KHSRP: variants seen among roughly 807,000 people sequenced by gnomAD.
KHSRP encodes far upstream element-binding protein 2.
Under a neutral mutation model 94.9 loss-of-function variants are expected in KHSRP, and 13 were observed. The observed-to-expected ratio is 0.14, with a 90% CI of 0.09 to 0.22. KHSRP has a LOEUF of 0.22. Ranked by LOEUF, KHSRP falls within the 10% of genes least tolerant of loss-of-function variation. The probability of loss-of-function intolerance (pLI) is 1.00; values close to 1 mark genes in which losing one functional copy is unlikely to be tolerated. For missense variants in KHSRP, 710 were observed against 1,010.0 expected (o/e 0.70, Z 4.03); for synonymous variants, 495 against 401.4 (o/e 1.23, Z -2.79).
At chr19:6,415,774 G>C in intron 16 of KHSRP, 34 bp downstream of exon 16, 1 of 1,553,222 alleles carries the variant, frequency 6.4e-7, no homozygotes, top group Non-Finnish European at 8.7e-7. Flanking sequence ...GGACAGAACA[G>C]GGCCTGCCCT....
chr19:6,414,884 GCA>G lies in KHSRP; in HGVS notation c.*138_*139del. On this transcript the variant is annotated 3_prime_UTR_variant, in exon 19 of 19. Coordinates refer to ENST00000600480, the MANE Select transcript of KHSRP (RefSeq NM_001366299.1). ...CGCCTGCGAGTCTCAGCGCTCCCCA[GCA>G]TCACGACAGCGGCACACAGGAACAA... 7.4e-7 allele frequency: 1 copy of G among 1,354,496 alleles called. No individual in the cohort carries two copies. 83.9% of individuals were successfully genotyped at this position (1,354,496 alleles called of 1,614,324 possible).
chr19:6,416,378 T>G lies in KHSRP; in HGVS notation c.1518A>C (p.Pro506=), dbSNP rs551924834. The G allele has an allele frequency of 1.2e-6, 2 of 1,612,886 alleles. No individual in the cohort carries two copies. Among genetic ancestry groups the G allele is most frequent in the Non-Finnish European group, 1.7e-6 (2 of 1,179,540 alleles). Residue 506 remains proline (P), a synonymous_variant, in exon 15 of 19, where the codon CCA becomes CCC. Coordinates refer to ENST00000600480, the MANE Select transcript of KHSRP (RefSeq NM_001366299.1). ...TTGGGCCAGCAGGGCCTGGGCCACC[T>G]GGGCCTGGTCCAACTGGGCAGAGAG... is the stretch of plus-strand genomic sequence containing the variant. The part of the protein sequence containing the change: ...EGPLCPVGPG[P]GGPGPAGPMG...
At chr19:6,420,707 A>G (rs2145122287) in intron 4 of KHSRP, among the ~76,000 whole-genome samples, 1 of 152,376 alleles carries the variant, frequency 6.6e-6, no homozygotes, top group Admixed American at 6.5e-5. Context: ...AGCACTGAGT[A>G]GCAAGCTGAC....
At position 6,414,521 on chromosome 19, in the gene KHSRP, C is replaced by A. The variant is rs939431737; in HGVS notation, c.*503G>T. The A allele has an allele frequency of 2.9e-6, 3 of 1,046,656 alleles. No homozygotes were observed. In the East Asian group the frequency reaches 2.4e-4, roughly 85 times the overall value. 64.8% of individuals were successfully genotyped at this position (1,046,656 alleles called of 1,614,324 possible). On this transcript the variant is annotated 3_prime_UTR_variant, in exon 19 of 19. Transcript: ENST00000600480. ...TTGGAAGGTGGCAACGATCTTCACG[C>A]CCACTTCACAGACAAGCCCGGGACA...
intron 6 of KHSRP, 89 bp downstream of exon 6, chr19:6,419,982 CCA>C: frequency 2.0e-6 from 2 of 1,010,282 alleles, no homozygotes; most frequent in South Asian, 2.8e-5. Flanking sequence ...CGCTTCCTGT[CCA>C]CAGTCCCCGT....
At position 6,415,690 on chromosome 19, in the gene KHSRP, C is replaced by T. The variant is rs1187543099; in HGVS notation, c.1732G>A (p.Ala578Thr). 19 of 1,547,900 alleles carry T rather than the reference C, an allele frequency of 1.2e-5. No individual in the cohort carries two copies. Among genetic ancestry groups the T allele is most frequent in the Middle Eastern group, 1.7e-4 (1 of 5,716 alleles). Residue 578 changes from alanine to threonine, a missense_variant, in exon 17 of 19, where the codon GCC becomes ACC. This residue lies in a region of KHSRP where 292 missense variants were observed against 340.5 expected (regional missense o/e 0.86). Transcript: ENST00000600480. ...AAADPNAAWA[A>T]YYSHYYQQPP... ...TGCTGGTAGTAGTGTGAGTAGTAGG[C>T]GGCCCACGCGGCGTTGGGGTCCGCG...
Position 6,417,039 on chromosome 19 carries a change from T to G in KHSRP, c.1130A>C (p.Asp377Ala). The change falls in exon 12 of 19, where the codon GAC becomes GCC. Residue 377 changes from aspartate to alanine, a missense_variant. Around this residue, in one of 5 missense-constraint regions of KHSRP, gnomAD observed 288 missense variants for 501.1 expected, o/e 0.57. Transcript: ENST00000600480. The part of the protein sequence containing the change: ...EKIAHIMGPP[D>A]RCEHAARIIN... ...GATCCGGGCTGCGTGCTCGCACCTG[T>G]CTGGGGGCCCCATTATATGAGCAAT... The G allele has an allele frequency of 6.2e-7, 1 of 1,613,532 alleles. No homozygotes were observed. The highest frequency in any genetic ancestry group is 8.5e-7 in the Non-Finnish European group (1 of 1,179,834).
Position 6,415,905 on chromosome 19 carries a change from G to C in KHSRP, c.1599-9C>G. On this transcript the variant is annotated splice_polypyrimidine_tract_variant and intron_variant, in intron 15 of 18. Transcript: ENST00000600480. ...GAGGGGGCCCCCCGGCACTGCAGGA[G>C]AGAAGAAAGGGATGCTTGAGCAGTG... The C allele has an allele frequency of 4.0e-6, 6 of 1,485,082 alleles. No individual in the cohort carries two copies. Among genetic ancestry groups the C allele is most frequent in the Non-Finnish European group, 5.4e-6 (6 of 1,113,268 alleles). The allele number at this position is 1,485,082 out of a possible 1,614,324, so 92.0% of individuals were successfully genotyped here. A position where few individuals can be genotyped will look rare whatever the true frequency, so the allele number is the denominator to read the frequency against.
rs964412123 is a variant in KHSRP, at chr19:6,418,931, G to A, written c.606-55C>T. The stretch of plus-strand genomic sequence containing the variant: ...GGTGCCACCGCTGGAGAAAGGTACT[G>A]GTCTGGTGGCCCACCCAGCTCAAAG... On this transcript the variant is annotated intron_variant, in intron 7 of 18. Transcript: ENST00000600480. This position sits in a 1 kb window ranked among gnomAD's most constrained non-coding sequence, Gnocchi z 4.3. The A allele has an allele frequency of 7.4e-6, 11 of 1,481,056 alleles. No individual in the cohort carries two copies. The highest frequency in any genetic ancestry group is 8.9e-6 in the Non-Finnish European group (10 of 1,119,268). 91.7% of individuals were successfully genotyped at this position (1,481,056 alleles called of 1,614,324 possible).
chr19:6,413,450 T>C lies in KHSRP; in HGVS notation c.*1574A>G, dbSNP rs1268978552. On this transcript the variant is annotated 3_prime_UTR_variant, in exon 19 of 19. Transcript: ENST00000600480. ...GTTCTCATTTTGTTTTCAGTTTCAA[T>C]CTCCTCTTGAACAGATGAAAAGACA... 2 of 399,528 alleles carry C rather than the reference T, an allele frequency of 5.0e-6. No homozygotes were observed. Among genetic ancestry groups the C allele is most frequent in the Non-Finnish European group, 9.9e-6 (2 of 202,596 alleles). The allele number at this position is 399,528 out of a possible 1,614,324, so 24.7% of individuals were successfully genotyped here. A position where few individuals can be genotyped will look rare whatever the true frequency, so the allele number is the denominator to read the frequency against.
Position 6,415,367 on chromosome 19 carries a change from G to A in KHSRP, c.1966+13C>T, listed in dbSNP as rs1030534000. 5.6e-6 allele frequency: 9 copies of A among 1,608,572 alleles called. No homozygotes were observed. The highest frequency in any genetic ancestry group is 1.7e-5 in the Admixed American group (1 of 58,994). ...GCTGCCCCTGCCCCTGTCCCCGCAT[G>A]GTGGCCACTCACCTTGCTTCTTGTA... On this transcript the variant is annotated intron_variant, in intron 18 of 18. Transcript: ENST00000600480.
In KHSRP at chr19:6,418,455, C is replaced by T. The variant is rs758098084; in HGVS notation, c.879+28G>A. On this transcript the variant is annotated intron_variant, in intron 9 of 18. Coordinates refer to ENST00000600480, the MANE Select transcript of KHSRP (RefSeq NM_001366299.1). The surrounding 1 kb of genome is among the most constrained non-coding windows in gnomAD (Gnocchi z 4.3). ...CCACCTGCCCGTGCCTCTCCAGAAC[C>T]CCCTCCACCACCCCAGGGCGTGCTC... 4 of 1,580,096 alleles carry T rather than the reference C, an allele frequency of 2.5e-6. No homozygotes were observed. The highest frequency in any genetic ancestry group is 1.3e-5 in the African/African-American group (1 of 74,224).
chr19:6,414,962 C>A lies in KHSRP; in HGVS notation c.*62G>T. On this transcript the variant is annotated 3_prime_UTR_variant, in exon 19 of 19. Transcript: ENST00000600480. Reference sequence around the variant, plus strand: ...GTTTAACCTCTGGACCCAGCGAATGCTTCCCTGGCGGTGCGTGGGGACTCC... The same window carrying A: ...GTTTAACCTCTGGACCCAGCGAATGATTCCCTGGCGGTGCGTGGGGACTCC... 1 of 1,434,744 alleles carries A rather than the reference C, an allele frequency of 7.0e-7. No individual in the cohort carries two copies. The highest frequency in any genetic ancestry group is 9.1e-7 in the Non-Finnish European group (1 of 1,099,942). The allele number at this position is 1,434,744 out of a possible 1,614,324, so 88.9% of individuals were successfully genotyped here.
intron 1 of KHSRP, 81 bp downstream of exon 1, chr19:6,424,372 G>T: frequency 1.4e-6 from 1 of 704,556 alleles, no homozygotes; most frequent in Non-Finnish European, 1.7e-6. Flanking sequence ...GACCCTGCGC[G>T]CGCGCGCGCA....
chr19:6,421,692 G>C lies in KHSRP; in HGVS notation c.347-4C>G, dbSNP rs767182619. ...AGCTTCTTGCTCTCCGGTTGATCTGGGAAAGAGAGAGGATGGCAGATGCAG... is the reference window on the plus strand; with the variant it reads ...AGCTTCTTGCTCTCCGGTTGATCTGCGAAAGAGAGAGGATGGCAGATGCAG... On this transcript the variant is annotated splice_region_variant and splice_polypyrimidine_tract_variant and intron_variant, in intron 2 of 18. Transcript: ENST00000600480. The C allele has an allele frequency of 5.0e-6, 8 of 1,613,798 alleles. No individual in the cohort carries two copies. The South Asian group carries it at 6.6e-5, about 13-fold the overall frequency.
Position 6,424,547 on chromosome 19 carries a change from C to A in KHSRP, c.155G>T (p.Gly52Val). ...CTGAGAGGGGCCCCCGGCCGACCCC[C>A]CGCCCGGGCCGCCGCCGCCGGGACC... ...GGGPGGGGPG[G>V]GSAGGPSQPP... Residue 52 changes from glycine to valine, a missense_variant, in exon 1 of 19, where the codon GGG becomes GTG. Transcript: ENST00000600480. The A allele has an allele frequency of 2.1e-6, 2 of 973,172 alleles. No homozygotes were observed. The highest frequency in any genetic ancestry group is 4.6e-5 in the South Asian group (1 of 21,702). 60.3% of individuals were successfully genotyped at this position (973,172 alleles called of 1,614,324 possible).
At chr19:6,417,887 C>G in intron 10 of KHSRP, 46 bp from the exon 11 acceptor site, 2 of 1,602,492 alleles carry the variant, frequency 1.2e-6, no homozygotes, top group Non-Finnish European at 1.7e-6. Context: ...AGCTCTGCTG[C>G]CCTCTGCTGC....
rs759772259 is a variant in KHSRP, at chr19:6,418,522, G to A, written c.840C>T (p.Asp280=). 1.2e-6 allele frequency: 2 copies of A among 1,613,822 alleles called. No homozygotes were observed. The highest frequency in any genetic ancestry group is 1.7e-6 in the Non-Finnish European group (2 of 1,179,856). Residue 280 remains aspartate, a synonymous_variant, in exon 9 of 19, where the codon GAC becomes GAT. Transcript: ENST00000600480. This position sits in a 1 kb window ranked among gnomAD's most constrained non-coding sequence, Gnocchi z 4.3. ...GATCCCCAATGATGCGGAGAGGTTT[G>A]TCCACATTCGTATTCTGAGATCCGT... ...IQDGSQNTNV[D]KPLRIIGDPY... is the part of the protein sequence containing the mutation.
Position 6,419,223 on chromosome 19 carries a change from T to G in KHSRP, c.585A>C (p.Thr195=). The G allele has an allele frequency of 6.3e-7, 1 of 1,584,800 alleles. No individual in the cohort carries two copies. The highest frequency in any genetic ancestry group is 8.6e-7 in the Non-Finnish European group (1 of 1,165,718). The stretch of plus-strand genomic sequence containing the variant: ...CTTACTGGACAGATTCTGGGGCTCC[T>G]GTCAAGGACACACTGCGCTCGGGTA... The part of the protein sequence containing the change: ...GGLPERSVSL[T]GAPESVQKAK... The change falls in exon 7 of 19, where the codon ACA becomes ACC. Residue 195 remains threonine (T), a synonymous_variant. Transcript: ENST00000600480.
Sources: gnomAD v4.1 joint callset for allele counts (sites outside exome capture counted in the v4.1 genomes callset) on GRCh38, gnomAD v4.1.1 for gene constraint, gnomAD v4.1.1 regional missense constraint, Gnocchi (gnomAD v3.1) non-coding constraint, MANE v1.5 for transcripts, NCBI Gene and HGNC (gene_info 2026-07-23, HGNC 2026-07-21) for gene names.